Variants in SLIT1 observed in about 807,000 individuals in gnomAD.
SLIT1 encodes the protein slit homolog 1 protein.
SLIT1 carries 66 observed loss-of-function variants against 186.1 expected under a neutral mutation model. The observed-to-expected ratio is 0.35, with a 90% CI of 0.29 to 0.44. SLIT1 has a LOEUF of 0.44. SLIT1 is among the 20% of genes least tolerant of loss of function. SLIT1 has a pLI of 1.00. For missense variants in SLIT1, 1,638 were observed against 2,037.4 expected (o/e 0.80, Z 3.77); for synonymous variants, 761 against 833.8 (o/e 0.91, Z 1.50).
rs1037098806 is a variant in SLIT1, at chr10:97,162,220, C to T, written c.341+1160G>A. Among the ~76,000 whole-genome samples, 15 of 152,276 alleles carry T rather than the reference C, an allele frequency of 9.9e-5. No homozygotes were observed. In the East Asian group the frequency reaches 1.2e-3, roughly 12 times the overall value. On this transcript the variant is annotated intron_variant, in intron 3 of 36. Transcript: ENST00000266058. ...ATCTTTTCCATTTAACATTATATTG[C>T]GAGCACATTCCCATGTGTTCTTCAC...
Position 97,004,240 on chromosome 10 carries a change from T to C in SLIT1, c.3711-18A>G, listed in dbSNP as rs775703060. 21 of 1,592,970 alleles carry C rather than the reference T, an allele frequency of 1.3e-5. 1 individual carries two copies. In the South Asian group the frequency reaches 2.1e-4, roughly 16 times the overall value. ...TCTCAGCACTGGAGGAAGAGGGGGT[T>C]CCCCGTTCCAGGGAGTGGGCATCAG... On this transcript the variant is annotated intron_variant, in intron 33 of 36. Coordinates refer to ENST00000266058, the MANE Select transcript of SLIT1 (RefSeq NM_003061.3). This position sits in a 1 kb window ranked among gnomAD's most constrained non-coding sequence, Gnocchi z 5.1.
rs1166943590 is a variant in SLIT1 at position 97,043,788 on chromosome 10, G to A, written c.1854-275C>T. Reference sequence around the variant, plus strand: ...TGTCCCCCATGCTGGCCTTGCCTCCGTGCCCTGGGTGCCCAGAGTTCCTGC... The same window carrying A: ...TGTCCCCCATGCTGGCCTTGCCTCCATGCCCTGGGTGCCCAGAGTTCCTGC... On this transcript the variant is annotated intron_variant, in intron 18 of 36. Transcript: ENST00000266058. This position sits in a 1 kb window ranked among gnomAD's most constrained non-coding sequence, Gnocchi z 7.0. 6.6e-6 allele frequency among the ~76,000 whole-genome samples: 1 copy of A among 152,046 alleles called. No homozygotes were observed. Among genetic ancestry groups the A allele is most frequent in the Non-Finnish European group, 1.5e-5 (1 of 67,998 alleles).
chr10:97,021,524 C>T lies in SLIT1; in HGVS notation c.2583-111G>A, dbSNP rs1848502030. Reference sequence around the variant, plus strand: ...AGGGGCTGGCAAAAATCTTAGCCTCCATTTCATGAGCATTTACTGTATAGT... The same window carrying T: ...AGGGGCTGGCAAAAATCTTAGCCTCTATTTCATGAGCATTTACTGTATAGT... On this transcript the variant is annotated intron_variant, in intron 25 of 36. Transcript: ENST00000266058. This position sits in a 1 kb window ranked among gnomAD's most constrained non-coding sequence, Gnocchi z 4.5. The T allele has an allele frequency of 2.2e-6, 2 of 924,006 alleles. No individual in the cohort carries two copies. Among genetic ancestry groups the T allele is most frequent in the South Asian group, 1.8e-5 (1 of 56,572 alleles). The allele number at this position is 924,006 out of a possible 1,614,324, so 57.2% of individuals were successfully genotyped here.
At chr10:97,177,647 A>G (rs980901971) in intron 1 of SLIT1, among the ~76,000 whole-genome samples, 1 of 152,208 alleles carries the variant, frequency 6.6e-6, no homozygotes, top group Non-Finnish European at 1.5e-5. Context: ...AATATGGTAC[A>G]TATACACCAC....
chr10:97,112,775 A>G (rs1849476474), intron 4 of SLIT1, among the ~76,000 whole-genome samples: 1 of 151,798 alleles, frequency 6.6e-6, no homozygotes, highest in Admixed American at 6.6e-5. Context: ...AATCTCTTCA[A>G]CCTCTGCCCC....
chr10:97,132,818 G>T (rs1190875140), intron 4 of SLIT1, among the ~76,000 whole-genome samples: 1 of 152,086 alleles, frequency 6.6e-6, no homozygotes, highest in African/African-American at 2.4e-5. Context: ...AGCACTCCTG[G>T]CTCCTAACCC....
rs752477349 is a variant in SLIT1 at position 97,002,939 on chromosome 10, C to T, written c.3919G>A (p.Gly1307Ser). The T allele has an allele frequency of 3.1e-6, 5 of 1,614,184 alleles. No individual in the cohort carries two copies. The highest frequency in any genetic ancestry group is 1.1e-5 in the South Asian group (1 of 91,074). The change falls in exon 35 of 37, where the codon GGC becomes AGC. Residue 1307 changes from glycine to serine, a missense_variant. By Grantham distance (56) the Gly-to-Ser change is moderately conservative. Around this residue, in one of 3 missense-constraint regions of SLIT1, gnomAD observed 173 missense variants for 290.9 expected, o/e 0.59. Coordinates refer to ENST00000266058, the MANE Select transcript of SLIT1 (RefSeq NM_003061.3). ...CGGATGCAACCGTGGAAGCCGGTGC[C>T]GTTGAGGATCTGCCACAGGCGGAAG... ...AAFRLWQILN[G>S]TGFHGCIRNL...
chr10:97,047,029 G>A lies in SLIT1; in HGVS notation c.1671C>T (p.Ala557=), dbSNP rs748778185. The change falls in exon 17 of 37, where the codon GCC becomes GCT. Residue 557 remains alanine (A), a synonymous_variant. Coordinates refer to ENST00000266058, the MANE Select transcript of SLIT1 (RefSeq NM_003061.3). The stretch of plus-strand genomic sequence containing the variant: ...GTGTAAGTTTTTTAAACATCCCAGT[G>A]GCCTCCAGGATGGAAATCTCATTGT... ...LNNNEISILE[A]TGMFKKLTHL... The A allele has an allele frequency of 6.2e-7, 1 of 1,612,630 alleles. No individual in the cohort carries two copies. Among genetic ancestry groups the A allele is most frequent in the Non-Finnish European group, 8.5e-7 (1 of 1,178,618 alleles).
intron 4 of SLIT1, among the ~76,000 whole-genome samples, chr10:97,095,744 G>A (rs1564674341): frequency 6.6e-6 from 1 of 152,178 alleles, no homozygotes; most frequent in African/African-American, 2.4e-5. Flanking sequence ...CCAGACCCCG[G>A]TTCAGAGGCC....
At chr10:97,087,052 A>G (rs1219038727) in intron 4 of SLIT1, among the ~76,000 whole-genome samples, 1 of 151,768 alleles carries the variant, frequency 6.6e-6, no homozygotes, top group Admixed American at 6.6e-5. Context: ...GCCCAATTTT[A>G]CTGTGAACCT....
At chr10:97,133,081 T>A (rs1293794392) in intron 4 of SLIT1, among the ~76,000 whole-genome samples, 5 of 152,094 alleles carry the variant, frequency 3.3e-5, no homozygotes, top group African/African-American at 1.2e-4. Flanking sequence ...GGCAGCTTTA[T>A]CACAAGAGCC....
At chr10:97,128,796 C>T (rs1363700264) in intron 4 of SLIT1, among the ~76,000 whole-genome samples, 4 of 152,004 alleles carry the variant, frequency 2.6e-5, no homozygotes, top group East Asian at 1.9e-4. Flanking sequence ...CAGATCCTGC[C>T]GGAGGGAGAA....
In SLIT1 at chr10:97,010,913, C is replaced by A; in HGVS notation, c.3341+80G>T. On this transcript the variant is annotated intron_variant, in intron 31 of 36. Coordinates refer to ENST00000266058, the MANE Select transcript of SLIT1 (RefSeq NM_003061.3). The surrounding 1 kb of genome is among the most constrained non-coding windows in gnomAD (Gnocchi z 4.8). ...GGCTCTGACCCACACCCCTTTCCTT[C>A]GCCATGGCTGGAGGCTCCTGCCAGC... is the stretch of plus-strand genomic sequence containing the variant. 1.4e-6 allele frequency: 2 copies of A among 1,413,034 alleles called. No homozygotes were observed. Among genetic ancestry groups the A allele is most frequent in the African/African-American group, 1.4e-5 (1 of 70,024 alleles). 87.5% of individuals were successfully genotyped at this position (1,413,034 alleles called of 1,614,324 possible). A position where few individuals can be genotyped will look rare whatever the true frequency, so the allele number is the denominator to read the frequency against.
chr10:97,056,323 A>C lies in SLIT1; in HGVS notation c.1299T>G (p.Thr433=). The stretch of plus-strand genomic sequence containing the variant: ...GAAGAAGGCATCAGGGCACTCACAG[A>C]GTCTGGATGGCCCGCAGGGAGGTGA... The part of the protein sequence containing the change: ...GTFTSLRAIQ[T]LHLAQNPFIC... Residue 433 remains threonine, a splice_region_variant and synonymous_variant, in exon 13 of 37, where the codon ACT becomes ACG. Transcript: ENST00000266058. 1 of 1,614,102 alleles carries C rather than the reference A, an allele frequency of 6.2e-7. No individual in the cohort carries two copies.
chr10:97,035,038 G>C (rs1385278788), intron 22 of SLIT1, among the ~76,000 whole-genome samples: 5 of 152,196 alleles, frequency 3.3e-5, no homozygotes, highest in Non-Finnish European at 2.9e-5. Context: ...GGCAGAGCCA[G>C]ATTCAAAGCC....
chr10:97,141,643 T>TATTGC (rs1849758823), intron 4 of SLIT1, among the ~76,000 whole-genome samples: 1 of 151,892 alleles, frequency 6.6e-6, no homozygotes, highest in Non-Finnish European at 1.5e-5. Context: ...TAATGCACTG[T>TATTGC]ATTGCATTGT....
intron 4 of SLIT1, among the ~76,000 whole-genome samples, chr10:97,156,895 C>T (rs1470865879): frequency 1.3e-5 from 2 of 152,122 alleles, no homozygotes; most frequent in East Asian, 3.8e-4. Flanking sequence ...ATGCAGAAGG[C>T]CCTGCCGGTG....
chr10:97,116,351 C>G (rs918110409), intron 4 of SLIT1, among the ~76,000 whole-genome samples: 1 of 152,172 alleles, frequency 6.6e-6, no homozygotes. Context: ...CTAGCCGAAG[C>G]CCACTGCAAG....
intron 4 of SLIT1, among the ~76,000 whole-genome samples, chr10:97,067,913 G>A (rs1044400887): frequency 6.6e-6 from 1 of 152,042 alleles, no homozygotes; most frequent in Non-Finnish European, 1.5e-5. Context: ...CCCCTGCCCC[G>A]CCGCACACCG....
Sources: allele counts gnomAD v4.1 joint callset (sites outside exome capture counted in the v4.1 genomes callset), GRCh38; gene constraint gnomAD v4.1.1; regional missense constraint gnomAD v4.1.1; non-coding constraint Gnocchi (gnomAD v3.1); transcripts MANE v1.5; gene names NCBI Gene and HGNC (gene_info 2026-07-23, HGNC 2026-07-21).